GPR162: variants seen among roughly 807,000 people sequenced by gnomAD.
The protein encoded by GPR162 is G protein-coupled receptor 162.
Under a neutral mutation model 44.9 loss-of-function variants are expected in GPR162, and 26 were observed. That is an observed-to-expected ratio of 0.58 (90% CI 0.42 to 0.80). The LOEUF (loss-of-function observed/expected upper bound fraction) is 0.80, where lower values mean the gene tolerates loss of function less well. GPR162 is among the 30% of genes least tolerant of loss of function. The pLI, the probability that GPR162 is intolerant of heterozygous loss-of-function variation, is 0.00. For missense variants in GPR162, 704 were observed against 802.3 expected (o/e 0.88, Z 1.48); for synonymous variants, 363 against 335.2 (o/e 1.08, Z -0.91).
rs1943360389 is a variant in GPR162, at chr12:6,826,640, C to T, written c.1216-13C>T. 2.0e-6 allele frequency: 3 copies of T among 1,517,826 alleles called. No individual in the cohort carries two copies. The highest frequency in any genetic ancestry group is 1.4e-5 in the African/African-American group (1 of 71,770). The allele number at this position is 1,517,826 out of a possible 1,614,324, so 94.0% of individuals were successfully genotyped here. The stretch of plus-strand genomic sequence containing the variant: ...CTGCAGCACCTTCAGGTCTTACCCG[C>T]TCCTCTTCCCAGGTCCCCCTATCCC... On this transcript the variant is annotated splice_polypyrimidine_tract_variant and intron_variant, in intron 4 of 4. Coordinates refer to ENST00000311268, the MANE Select transcript of GPR162 (RefSeq NM_019858.2).
intron 3 of GPR162, 64 bp downstream of exon 3, chr12:6,825,737 T>C: frequency 7.1e-7 from 1 of 1,412,596 alleles, no homozygotes; most frequent in Non-Finnish European, 9.7e-7. Flanking sequence ...CTGCCGCTCC[T>C]TCTCAGCCAG....
In GPR162 at chr12:6,825,514, T is replaced by C; in HGVS notation, c.898T>C (p.Ser300Pro). 1 of 1,611,430 alleles carries C rather than the reference T, an allele frequency of 6.2e-7. No homozygotes were observed. The highest frequency in any genetic ancestry group is 8.5e-7 in the Non-Finnish European group (1 of 1,179,230). ...GAGCTTCTTCTCCCTCAAGTCGGAC[T>C]CGGCGCCCCCCTGGATGGTGCTGGC... is the stretch of plus-strand genomic sequence containing the variant. ...VVSFFSLKSD[S>P]APPWMVLAVL... Residue 300 changes from serine (S) to proline (P), a missense_variant, in exon 3 of 5, where the codon TCG (serine) becomes CCG (proline). By Grantham distance (74) the Ser-to-Pro change is moderately conservative. Transcript: ENST00000311268.
chr12:6,823,931 C>G lies in GPR162; in HGVS notation c.33C>G (p.Ala11=). Residue 11 remains alanine, a synonymous_variant, in exon 2 of 5, where the codon GCC becomes GCG. Coordinates refer to ENST00000311268, the MANE Select transcript of GPR162 (RefSeq NM_019858.2). The part of the protein sequence containing the change: MARGGAGAEE[A]SLRSNALSWL... ...GGGGCGGGGCGGGGGCAGAGGAGGC[C>G]TCCCTGCGCTCCAACGCATTGTCCT... 1 of 1,565,926 alleles carries G rather than the reference C, an allele frequency of 6.4e-7. No individual in the cohort carries two copies. Among genetic ancestry groups the G allele is most frequent in the Non-Finnish European group, 8.7e-7 (1 of 1,155,200 alleles).
Position 6,823,739 on chromosome 12 carries a change from C to T in GPR162, c.-160C>T. ...CCTCTACATCTGCCCTCAGCTGGGT[C>T]CATCATGCAATGCTGAGCACTGGGG... On this transcript the variant is annotated 5_prime_UTR_variant, in exon 2 of 5. Transcript: ENST00000311268. 6.2e-7 allele frequency: 1 copy of T among 1,612,144 alleles called. No homozygotes were observed. Among genetic ancestry groups the T allele is most frequent in the Non-Finnish European group, 8.5e-7 (1 of 1,178,646 alleles).
intron 2 of GPR162, among the ~76,000 whole-genome samples, 153 bp from the exon 3 acceptor site, chr12:6,825,331 T>C (rs1943340163): frequency 6.6e-6 from 1 of 152,252 alleles, no homozygotes; most frequent in African/African-American, 2.4e-5. Context: ...CTTCCCTCTG[T>C]TCACTCCATC....
In GPR162 at chr12:6,822,095, G is replaced by A. The variant is rs1405581901; in HGVS notation, c.-432+195G>A. Among the ~76,000 whole-genome samples, 1 of 152,154 alleles carries A rather than the reference G, an allele frequency of 6.6e-6. No individual in the cohort carries two copies. The highest frequency in any genetic ancestry group is 1.5e-5 in the Non-Finnish European group (1 of 68,018). ...AAGGGCGAGGGACCCCGTCGGCCAG[G>A]GAACCTCCCAGATCCCCCTTCCCAC... is the stretch of plus-strand genomic sequence containing the variant. On this transcript the variant is annotated intron_variant, in intron 1 of 4. Coordinates refer to ENST00000311268, the MANE Select transcript of GPR162 (RefSeq NM_019858.2). This position sits in a 1 kb window ranked among gnomAD's most constrained non-coding sequence, Gnocchi z 4.2.
chr12:6,824,585 GCCA>G lies in GPR162; in HGVS notation c.688_690del (p.Pro230del). The G allele has an allele frequency of 6.2e-7, 1 of 1,607,732 alleles. No homozygotes were observed. The highest frequency in any genetic ancestry group is 8.5e-7 in the Non-Finnish European group (1 of 1,176,668). ...GTGGTGGGGGGACCAAAGCGGGTGG[GCCA>G]GGGGCCTTGGGTACCCGGCCAGCTT... is the stretch of plus-strand genomic sequence containing the variant. On this transcript the variant is annotated inframe_deletion, in exon 2 of 5. Coordinates refer to ENST00000311268, the MANE Select transcript of GPR162 (RefSeq NM_019858.2).
Position 6,824,381 on chromosome 12 carries a change from G to C in GPR162, c.483G>C (p.Glu161Asp), listed in dbSNP as rs1943323548. ...LPSIGWHNNG[E>D]RYYARGCQFI... ...CCATTGGCTGGCACAACAACGGCGA[G>C]CGCTACTATGCCCGCGGCTGCCAGT... The change falls in exon 2 of 5, where the codon GAG becomes GAC. Residue 161 changes from glutamate (E) to aspartate (D), a missense_variant. Transcript: ENST00000311268. The C allele has an allele frequency of 6.2e-7, 1 of 1,614,094 alleles. No homozygotes were observed. Among genetic ancestry groups the C allele is most frequent in the Non-Finnish European group, 8.5e-7 (1 of 1,180,046 alleles).
intron 4 of GPR162, 61 bp from the exon 5 acceptor site, chr12:6,826,592 G>A (rs1943359552): frequency 7.7e-6 from 11 of 1,428,052 alleles, no homozygotes; most frequent in Non-Finnish European, 1.0e-5. Context: ...GTCCCCACTT[G>A]GTTCCTGCCT....
chr12:6,826,914 G>A lies in GPR162; in HGVS notation c.1477G>A (p.Gly493Arg). 6.2e-7 allele frequency: 1 copy of A among 1,613,392 alleles called. No individual in the cohort carries two copies. Among genetic ancestry groups the A allele is most frequent in the East Asian group, 2.2e-5 (1 of 44,864 alleles). The change falls in exon 5 of 5, where the codon GGA becomes AGA. Residue 493 changes from glycine (G) to arginine (R), a missense_variant. Coordinates refer to ENST00000311268, the MANE Select transcript of GPR162 (RefSeq NM_019858.2). ...LESGVLGSGG[G>R]PPRGPGFFRE... ...GAGTGGGGTTCTGGGGTCAGGTGGG[G>A]GACCCCCACGGGGTCCTGGCTTCTT...
chr12:6,824,059 T>C lies in GPR162; in HGVS notation c.161T>C (p.Phe54Ser). 2.5e-6 allele frequency: 4 copies of C among 1,613,290 alleles called. No homozygotes were observed. The highest frequency in any genetic ancestry group is 3.4e-6 in the Non-Finnish European group (4 of 1,179,790). The stretch of plus-strand genomic sequence containing the variant: ...AAGCCACTGGAGCTGCTGCTCTGCT[T>C]CCTAGCGGGCACACACATACTCATG... ...KHKPLELLLCFLAGTHILMAA... is the reference protein window; with the variant it reads ...KHKPLELLLCSLAGTHILMAA... The change falls in exon 2 of 5, where the codon TTC becomes TCC. Residue 54 changes from phenylalanine to serine, a missense_variant. Transcript: ENST00000311268.
At chr12:6,826,165 C>T in intron 3 of GPR162, 31 bp from the exon 4 acceptor site, 1 of 1,599,710 alleles carries the variant, frequency 6.3e-7, no homozygotes, top group Non-Finnish European at 8.5e-7. Context: ...CATTCCCTAC[C>T]TGTAACCACT....
chr12:6,826,721 C>T lies in GPR162; in HGVS notation c.1284C>T (p.Ser428=), dbSNP rs1555120174. The change falls in exon 5 of 5, where the codon TCC becomes TCT. Residue 428 remains serine (S), a synonymous_variant. Coordinates refer to ENST00000311268, the MANE Select transcript of GPR162 (RefSeq NM_019858.2). ...TCTCTACCCCTCGGGAACCAGGCTC[C>T]TTCCTGCACAAGTGGTCATCCTCTG... The part of the protein sequence containing the change: ...NIFSTPREPG[S]FLHKWSSSDD... The T allele has an allele frequency of 1.3e-6, 2 of 1,565,124 alleles. No homozygotes were observed. The highest frequency in any genetic ancestry group is 1.7e-6 in the Non-Finnish European group (2 of 1,158,812).
At position 6,824,608 on chromosome 12, in the gene GPR162, C is replaced by A. The variant is rs782224057; in HGVS notation, c.710C>A (p.Pro237Gln). ...AGGPGALGTRPAFEVPAIVVE... is the reference protein window; with the variant it reads ...AGGPGALGTRQAFEVPAIVVE... ...GGGCCAGGGGCCTTGGGTACCCGGC[C>A]AGCTTTTGAGGTACCAGCCATTGTG... Residue 237 changes from proline to glutamine, a missense_variant, in exon 2 of 5, where the codon CCA becomes CAA. Pro to Gln is a moderately conservative substitution (Grantham distance 76). Transcript: ENST00000311268. The A allele has an allele frequency of 2.5e-6, 4 of 1,611,278 alleles. No individual in the cohort carries two copies. In the African/African-American group the frequency reaches 5.3e-5, roughly 22 times the overall value.
chr12:6,825,312 A>G (rs1943340000), intron 2 of GPR162, 172 bp from the exon 3 acceptor site: 1 of 603,500 alleles, frequency 1.7e-6, no homozygotes, highest in South Asian at 2.0e-5. Context: ...CCTTCCTCTG[A>G]GTCAGTCCCT....
rs782251613 is a variant in GPR162, at chr12:6,826,335, G to A, written c.1197G>A (p.Glu399=). ...PGRHMLFPPL[E]RVHYLQVPLS... is the part of the protein sequence containing the mutation. ...GGCACATGCTCTTCCCTCCTCTTGA[G>A]AGAGTCCACTACTTACAGGTATGGA... Residue 399 remains glutamate, a synonymous_variant, in exon 4 of 5, where the codon GAG becomes GAA. Coordinates refer to ENST00000311268, the MANE Select transcript of GPR162 (RefSeq NM_019858.2). 1.9e-6 allele frequency: 3 copies of A among 1,613,306 alleles called. No individual in the cohort carries two copies. The highest frequency in any genetic ancestry group is 2.2e-5 in the South Asian group (2 of 91,062).
chr12:6,826,601 C>A (rs1476342952), intron 4 of GPR162, 52 bp from the exon 5 acceptor site: 4 of 1,465,118 alleles, frequency 2.7e-6, no homozygotes, highest in Non-Finnish European at 3.7e-6. Flanking sequence ...TGGTTCCTGC[C>A]TCTGCCTCTG....
chr12:6,823,609 G>GT lies in GPR162; in HGVS notation c.-289dup, dbSNP rs1943310397. The GT allele has an allele frequency of 1.6e-6, 1 of 624,802 alleles. No individual in the cohort carries two copies. The highest frequency in any genetic ancestry group is 1.8e-5 in the African/African-American group (1 of 54,276). 38.7% of individuals were successfully genotyped at this position (624,802 alleles called of 1,614,324 possible). ...CCCAGCCAGCCTCATAGTTGGGAAA[G>GT]TAGCCAGCTTGCCTGCCCCATCAAT... On this transcript the variant is annotated 5_prime_UTR_variant, in exon 2 of 5. Coordinates refer to ENST00000311268, the MANE Select transcript of GPR162 (RefSeq NM_019858.2).
In GPR162 at chr12:6,827,303, G is replaced by T; in HGVS notation, c.*99G>T. 1 of 1,021,932 alleles carries T rather than the reference G, an allele frequency of 9.8e-7. No homozygotes were observed. Among genetic ancestry groups the T allele is most frequent in the Non-Finnish European group, 1.4e-6 (1 of 710,400 alleles). 63.3% of individuals were successfully genotyped at this position (1,021,932 alleles called of 1,614,324 possible). On this transcript the variant is annotated 3_prime_UTR_variant, in exon 5 of 5. Transcript: ENST00000311268. ...AGCTGCCTCCAGACTCTGGGGAGAC[G>T]GGCGCTAGATTTGGGGCTCAGAAGG... is the stretch of plus-strand genomic sequence containing the variant.
Sources: gnomAD v4.1 joint callset for allele counts (sites outside exome capture counted in the v4.1 genomes callset) on GRCh38, gnomAD v4.1.1 for gene constraint, Gnocchi (gnomAD v3.1) non-coding constraint, MANE v1.5 for transcripts, NCBI Gene and HGNC (gene_info 2026-07-23, HGNC 2026-07-21) for gene names.